The following ELAPOR2 variants were observed in gnomAD, a reference collection of about 807,000 sequenced individuals.
ELAPOR2 encodes endosome/lysosome-associated apoptosis and autophagy regulator family member 2.
In ELAPOR2, 89 loss-of-function variants were observed where a neutral mutation model predicts 120.7. That is an observed-to-expected ratio of 0.74 (90% confidence interval 0.62 to 0.88). The LOEUF is 0.88. Among genes scored for constraint, ELAPOR2 ranks in the 40% least tolerant of loss-of-function variants. The probability of loss-of-function intolerance (pLI) is 0.00; values close to 1 mark genes in which losing one functional copy is unlikely to be tolerated. For missense variants in ELAPOR2, 1,134 were observed against 1,251.6 expected, an observed-to-expected ratio of 0.91 and a Z score of 1.42; for synonymous variants, 444 against 444.9, an observed-to-expected ratio of 1.00 and a Z score of 0.03.
chr7:86,939,633 T>C (rs1432260236), intron 6 of ELAPOR2, among the ~76,000 whole-genome samples: 1 of 152,100 alleles, frequency 6.6e-6, no homozygotes, highest in Non-Finnish European at 1.5e-5. Flanking sequence ...TTTATTGTTA[T>C]TTTTATGGAT....
intron 2 of ELAPOR2, among the ~76,000 whole-genome samples, chr7:86,962,561 G>A (rs1232929042): frequency 6.6e-6 from 1 of 152,208 alleles, no homozygotes; most frequent in Non-Finnish European, 1.5e-5. Flanking sequence ...GGTTAACTCA[G>A]TGGGTAAGAC....
intron 1 of ELAPOR2, among the ~76,000 whole-genome samples, chr7:86,976,357 A>G (rs1017268799): frequency 2.0e-5 from 3 of 152,250 alleles, no homozygotes; most frequent in Non-Finnish European, 2.9e-5. Context: ...CTGAGAAAAT[A>G]TTCCAGAGAG....
intron 1 of ELAPOR2, among the ~76,000 whole-genome samples, chr7:87,032,684 C>T (rs1351247313): frequency 1.3e-5 from 2 of 152,172 alleles, no homozygotes; most frequent in Non-Finnish European, 2.9e-5. Context: ...AGAAGAACCA[C>T]AGACAGCTCT....
At chr7:86,901,232 T>G (rs1479531479) in intron 18 of ELAPOR2, among the ~76,000 whole-genome samples, 1 of 152,218 alleles carries the variant, frequency 6.6e-6, no homozygotes, top group South Asian at 2.1e-4. Context: ...GGTAAATGAA[T>G]AAGAGACTTC....
At chr7:87,009,051 T>TA (rs1306139073) in intron 1 of ELAPOR2, among the ~76,000 whole-genome samples, 1 of 152,230 alleles carries the variant, frequency 6.6e-6, no homozygotes, top group East Asian at 1.9e-4. Context: ...CTGATGAATT[T>TA]AAAAAAATTA....
intron 1 of ELAPOR2, among the ~76,000 whole-genome samples, chr7:87,018,954 T>C (rs184933611): frequency 6.6e-6 from 1 of 152,228 alleles, no homozygotes; most frequent in East Asian, 1.9e-4. Context: ...ATCAAACATA[T>C]ACACCAATCA....
chr7:87,008,501 CATT>C (rs879901563), intron 1 of ELAPOR2, among the ~76,000 whole-genome samples: 1 of 152,162 alleles, frequency 6.6e-6, no homozygotes, highest in Non-Finnish European at 1.5e-5. Flanking sequence ...TGATTTTAAT[CATT>C]GTGCTATTGT....
At chr7:86,983,217 T>C (rs1384679330) in intron 1 of ELAPOR2, among the ~76,000 whole-genome samples, 7 of 152,242 alleles carry the variant, frequency 4.6e-5, no homozygotes. Flanking sequence ...TTGATTGGTG[T>C]ACCTGAAAGT....
At position 86,997,799 on chromosome 7, in the gene ELAPOR2, C is replaced by A. The variant is rs573014502; in HGVS notation, c.190-32775G>T. Among the ~76,000 whole-genome samples, 8 of 152,294 alleles carry A rather than the reference C, an allele frequency of 5.3e-5. No homozygotes were observed. The South Asian group carries it at 1.7e-3, about 32-fold the overall frequency. On this transcript the variant is annotated intron_variant, in intron 1 of 21. Transcript: ENST00000450689. The stretch of plus-strand genomic sequence containing the variant: ...TCACAGGTTACAGAAGTATCTCAGT[C>A]AAGTGTTCTTCTAGTCAGTTGTATC...
intron 10 of ELAPOR2, among the ~76,000 whole-genome samples, chr7:86,924,891 A>G (rs1165025202): frequency 6.6e-6 from 1 of 152,098 alleles, no homozygotes; most frequent in African/African-American, 2.4e-5. Flanking sequence ...ATTTTAGTGT[A>G]AAGGTCTGGT....
chr7:87,013,368 C>T (rs1583992178), intron 1 of ELAPOR2, among the ~76,000 whole-genome samples: 1 of 152,050 alleles, frequency 6.6e-6, no homozygotes, highest in African/African-American at 2.4e-5. Context: ...TATTCAAGTC[C>T]CTCATACTAA....
intron 1 of ELAPOR2, among the ~76,000 whole-genome samples, chr7:87,016,672 T>TATATATA (rs1793876752): frequency 1.3e-5 from 2 of 148,612 alleles, no homozygotes; most frequent in South Asian, 2.1e-4. Context: ...CTATTATATA[T>TATATATA]ATATATAATA....
rs140718036 is a variant in ELAPOR2 at position 86,913,149 on chromosome 7, G to A, written c.1787C>T (p.Ala596Val). ...VKIYSITATN[A>V]VDGVASSCRA... ...GCATGAGGACGCCACCCCATCAACT[G>A]CATTAGTGGCTGTGATAGAATAAAT... Residue 596 changes from alanine (A) to valine (V), a missense_variant, in exon 14 of 22, where the codon GCA becomes GTA. This residue lies in a region of ELAPOR2 where 831 missense variants were observed against 867.6 expected (regional missense o/e 0.96). Coordinates refer to ENST00000450689, the MANE Select transcript of ELAPOR2 (RefSeq NM_001142749.3). 1 of 1,613,978 alleles carries A rather than the reference G, an allele frequency of 6.2e-7. No individual in the cohort carries two copies. The highest frequency in any genetic ancestry group is 2.2e-5 in the East Asian group (1 of 44,836).
rs542913302 is a variant in ELAPOR2 at position 86,919,119 on chromosome 7, G to A, written c.1490+101C>T. ...AGCTTGTTATTTACTAAGTATTTTT[G>A]TAATATTAATATGTTCCATAAAGTA... On this transcript the variant is annotated intron_variant, in intron 11 of 21. Transcript: ENST00000450689. 44 of 710,222 alleles carry A rather than the reference G, an allele frequency of 6.2e-5. No individual in the cohort carries two copies. The South Asian group carries it at 8.4e-4, about 14-fold the overall frequency. 44.0% of individuals were successfully genotyped at this position (710,222 alleles called of 1,614,324 possible).
rs1290304276 is a variant in ELAPOR2, at chr7:86,913,019, A to C, written c.1917T>G (p.Pro639=). The C allele has an allele frequency of 1.9e-6, 3 of 1,613,988 alleles. No homozygotes were observed. Among genetic ancestry groups the C allele is most frequent in the Non-Finnish European group, 2.5e-6 (3 of 1,180,010 alleles). Reference sequence around the variant, plus strand: ...CCTGATGTATGGACAGGTAGGTGTCAGGTGGACATTCCTTGCACTGGTTGG... The same window carrying C: ...CCTGATGTATGGACAGGTAGGTGTCCGGTGGACATTCCTTGCACTGGTTGG... ...KETNQCKECP[P]DTYLSIHQVY... is the part of the protein sequence containing the mutation. Residue 639 remains proline, a synonymous_variant, in exon 14 of 22, where the codon CCT becomes CCG. Transcript: ENST00000450689.
Position 86,942,063 on chromosome 7 carries a change from G to C in ELAPOR2, c.696C>G (p.Asp232Glu), listed in dbSNP as rs763179356. 9.0e-6 allele frequency: 14 copies of C among 1,549,448 alleles called. No homozygotes were observed. The highest frequency in any genetic ancestry group is 1.2e-5 in the Non-Finnish European group (14 of 1,145,130). Residue 232 changes from aspartate (D) to glutamate (E), a missense_variant, in exon 5 of 22, where the codon GAC becomes GAG. This residue lies in a region of ELAPOR2 where 280 missense variants were observed against 331.5 expected (regional missense o/e 0.84). Coordinates refer to ENST00000450689, the MANE Select transcript of ELAPOR2 (RefSeq NM_001142749.3). Reference sequence around the variant, plus strand: ...CATTGTCTGTAAGTTTTACCCACTTGTCAGTGGTGGTGTCCATCTCCTGGC... The same window carrying C: ...CATTGTCTGTAAGTTTTACCCACTTCTCAGTGGTGGTGTCCATCTCCTGGC... Reference protein sequence around the residue: ...DQCQEMDTTTDKWVKLTDNGE... With the variant: ...DQCQEMDTTTEKWVKLTDNGE...
At chr7:87,048,012 G>A (rs1309165740) in intron 1 of ELAPOR2, among the ~76,000 whole-genome samples, 3 of 152,192 alleles carry the variant, frequency 2.0e-5, no homozygotes, top group Non-Finnish European at 4.4e-5. Context: ...TTGGGAGGCT[G>A]AGGTGGGCGG....
chr7:87,023,551 C>T (rs1023673566), intron 1 of ELAPOR2, among the ~76,000 whole-genome samples: 3 of 152,092 alleles, frequency 2.0e-5, no homozygotes, highest in Non-Finnish European at 4.4e-5. Flanking sequence ...AATGCGGGCT[C>T]TTTTTTGGTT....
At position 86,925,523 on chromosome 7, in the gene ELAPOR2, C is replaced by A. The variant is rs369247067; in HGVS notation, c.1399+5G>T. On this transcript the variant is annotated splice_donor_5th_base_variant and intron_variant, in intron 10 of 21. Coordinates refer to ENST00000450689, the MANE Select transcript of ELAPOR2 (RefSeq NM_001142749.3). ...ATACATCAAGTAGGCTGATTTTGAA[C>A]TTACCATTCATTCCATCGCACTTTG... 107 of 1,611,072 alleles carry A rather than the reference C, an allele frequency of 6.6e-5. No homozygotes were observed. In the African/African-American group the frequency reaches 1.3e-3, roughly 19 times the overall value.
Sources: allele counts gnomAD v4.1 joint callset (sites outside exome capture counted in the v4.1 genomes callset), GRCh38; gene constraint gnomAD v4.1.1; regional missense constraint gnomAD v4.1.1; transcripts MANE v1.5; gene names NCBI Gene and HGNC (gene_info 2026-07-23, HGNC 2026-07-21).